OIP5: variants seen among roughly 807,000 people sequenced by gnomAD.
OIP5 encodes the protein protein Mis18-beta.
OIP5 carries 24 observed loss-of-function variants against 20.3 expected under a neutral mutation model. That is an observed-to-expected ratio of 1.18 (90% CI 0.86 to 1.66). The LOEUF is 1.66. Among genes scored for constraint, OIP5 ranks in the 40% most tolerant of loss-of-function variants. The pLI, the probability that OIP5 is intolerant of heterozygous loss-of-function variation, is 0.00. For missense variants in OIP5, 339 were observed against 289.5 expected, an observed-to-expected ratio of 1.17 and a Z score of -1.24; for synonymous variants, 143 against 121.3, an observed-to-expected ratio of 1.18 and a Z score of -1.17.
chr15:41,315,616 C>T (rs796527251), intron 3 of OIP5, among the ~76,000 whole-genome samples: 5 of 152,164 alleles, frequency 3.3e-5, no homozygotes, highest in African/African-American at 1.2e-4. Context: ...AATGTCCTGA[C>T]CTTTTATCCA....
In OIP5 at chr15:41,313,282, C is replaced by A; in HGVS notation, c.585G>T (p.Lys195Asn). The A allele has an allele frequency of 6.3e-7, 1 of 1,595,358 alleles. No individual in the cohort carries two copies. The highest frequency in any genetic ancestry group is 8.6e-7 in the Non-Finnish European group (1 of 1,167,106). Reference protein sequence around the residue: ...MDIQNVPLSEKIAELKEKIVL... With the variant: ...MDIQNVPLSENIAELKEKIVL... ...CATCATGAAATTTTACCTCTGCAATCTTTTCTGATAGAGGAACATTTTGAA... is the reference window on the plus strand; with the variant it reads ...CATCATGAAATTTTACCTCTGCAATATTTTCTGATAGAGGAACATTTTGAA... Residue 195 changes from lysine to asparagine, a missense_variant, in exon 4 of 5, where the codon AAG becomes AAT. Lys to Asn is a moderately conservative substitution (Grantham distance 94). Coordinates refer to ENST00000220514, the MANE Select transcript of OIP5 (RefSeq NM_007280.2).
intron 2 of OIP5, among the ~76,000 whole-genome samples, chr15:41,326,649 C>G (rs1180180897): frequency 6.6e-6 from 1 of 152,222 alleles, no homozygotes; most frequent in South Asian, 2.1e-4. Context: ...TGGTCTCGAA[C>G]TCCTGACCTC....
At chr15:41,311,917 A>G (rs1468291744) in intron 4 of OIP5, among the ~76,000 whole-genome samples, 1 of 127,506 alleles carries the variant, frequency 7.8e-6, no homozygotes, top group Non-Finnish European at 1.8e-5. Context: ...CTCAATGGCA[A>G]GCTCTCGGCT....
Position 41,332,498 on chromosome 15 carries a change from C to T in OIP5, c.64G>A (p.Gly22Ser), listed in dbSNP as rs781690299. Residue 22 changes from glycine (G) to serine (S), a missense_variant, in exon 1 of 5, where the codon GGT (glycine) becomes AGT (serine). Gly to Ser is a moderately conservative substitution (Grantham distance 56, BLOSUM62 0). Transcript: ENST00000220514. ...TGGTCAATCGCCCTCTCAGTGCCAC[C>T]ACAAAAGTCCCCCCGGGGCGGCGTT... ...CATPPRGDFC[G>S]GTERAIDQAS... The T allele has an allele frequency of 1.2e-6, 2 of 1,613,938 alleles. No homozygotes were observed. Among genetic ancestry groups the T allele is most frequent in the Non-Finnish European group, 1.7e-6 (2 of 1,179,896 alleles).
intron 3 of OIP5, among the ~76,000 whole-genome samples, chr15:41,319,456 T>G (rs1422040006): frequency 6.6e-6 from 1 of 152,104 alleles, no homozygotes; most frequent in East Asian, 1.9e-4. Flanking sequence ...GGTTTCACCA[T>G]GTTAGCCAGG....
At chr15:41,318,659 T>C (rs918015647) in intron 3 of OIP5, among the ~76,000 whole-genome samples, 3 of 152,062 alleles carry the variant, frequency 2.0e-5, no homozygotes, top group East Asian at 1.9e-4. Context: ...TAAGATATGG[T>C]ATGATAAGAC....
At chr15:41,326,405 G>T (rs373568746) in intron 2 of OIP5, among the ~76,000 whole-genome samples, 2 of 152,066 alleles carry the variant, frequency 1.3e-5, no homozygotes, top group Non-Finnish European at 2.9e-5. Flanking sequence ...CATGTGTATA[G>T]TCTGTGGCTC....
At position 41,312,138 on chromosome 15, in the gene OIP5, G is replaced by A. The variant is rs188758657; in HGVS notation, c.594+1135C>T. On this transcript the variant is annotated intron_variant, in intron 4 of 4. Transcript: ENST00000220514. Reference sequence around the variant, plus strand: ...CAAAGTGCTGGGATTACAGGCATAAGCCACCATGCCCAGCCTTCTTTTTTT... The same window carrying A: ...CAAAGTGCTGGGATTACAGGCATAAACCACCATGCCCAGCCTTCTTTTTTT... Among the ~76,000 whole-genome samples, 80 of 110,412 alleles carry A rather than the reference G, an allele frequency of 7.2e-4. 3 individuals carry two copies. The highest frequency in any genetic ancestry group is 1.9e-3 in the African/African-American group (73 of 38,018). The allele number at this position is 110,412 out of a possible 152,430, so 72.4% of individuals were successfully genotyped here.
intron 3 of OIP5, among the ~76,000 whole-genome samples, chr15:41,314,718 G>C (rs1477745629): frequency 6.6e-6 from 1 of 150,496 alleles, no homozygotes; most frequent in Non-Finnish European, 1.5e-5. Context: ...TGCAACCTCC[G>C]CCTTCCAGGT....
At chr15:41,327,691 G>A (rs1031278535) in intron 2 of OIP5, among the ~76,000 whole-genome samples, 1 of 152,082 alleles carries the variant, frequency 6.6e-6, no homozygotes, top group Non-Finnish European at 1.5e-5. Context: ...GGGAGGCTGA[G>A]GCAGGGGAAT....
At chr15:41,311,310 T>C (rs575414411) in intron 4 of OIP5, among the ~76,000 whole-genome samples, 15 of 152,158 alleles carry the variant, frequency 9.9e-5, no homozygotes, top group African/African-American at 3.6e-4. Context: ...AGACAAGGAT[T>C]CTCCATGTGG....
intron 2 of OIP5, among the ~76,000 whole-genome samples, chr15:41,321,929 AAAT>A (rs1567026483): frequency 1.9e-3 from 123 of 64,420 alleles, no homozygotes; most frequent in African/African-American, 0.01. Context: ...ATAAAAAAAT[AAAT>A]AAATAAATAA....
intron 2 of OIP5, among the ~76,000 whole-genome samples, chr15:41,330,352 G>T (rs2047890287): frequency 6.6e-6 from 1 of 151,444 alleles, no homozygotes; most frequent in Non-Finnish European, 1.5e-5. Flanking sequence ...GCCTGTCATG[G>T]CCTCCCAAAA....
Position 41,309,646 on chromosome 15 carries a change from T to C in OIP5, c.*108A>G, listed in dbSNP as rs1270353456. ...AGCCTAAAGGTAAATAGAAACTGCA[T>C]TTCCCCTCCATTCTTGAAGCCAATC... On this transcript the variant is annotated 3_prime_UTR_variant, in exon 5 of 5. Coordinates refer to ENST00000220514, the MANE Select transcript of OIP5 (RefSeq NM_007280.2). 2.9e-6 allele frequency: 2 copies of C among 694,700 alleles called. No individual in the cohort carries two copies. Among genetic ancestry groups the C allele is most frequent in the Non-Finnish European group, 4.9e-6 (2 of 408,264 alleles). The allele number at this position is 694,700 out of a possible 1,614,324, so 43.0% of individuals were successfully genotyped here. A position where few individuals can be genotyped will look rare whatever the true frequency, so the allele number is the denominator to read the frequency against.
chr15:41,328,536 A>C (rs2140467130), intron 2 of OIP5, among the ~76,000 whole-genome samples: 1 of 152,342 alleles, frequency 6.6e-6, no homozygotes, highest in African/African-American at 2.4e-5. Context: ...TCTAAGTGTC[A>C]ACATACTATA....
intron 4 of OIP5, 54 bp downstream of exon 4, chr15:41,313,218 GT>G: frequency 9.5e-7 from 1 of 1,057,630 alleles, no homozygotes; most frequent in African/African-American, 1.6e-5. Flanking sequence ...ATTGGTAGAA[GT>G]TATCAAGAGT....
At chr15:41,328,962 A>G (rs965122554) in intron 2 of OIP5, among the ~76,000 whole-genome samples, 1 of 141,994 alleles carries the variant, frequency 7.0e-6, no homozygotes, top group African/African-American at 2.6e-5. Flanking sequence ...GCTACTCGGG[A>G]GGCTGAGGTA....
intron 4 of OIP5, among the ~76,000 whole-genome samples, chr15:41,311,709 G>T (rs1205895074): frequency 6.6e-6 from 1 of 151,010 alleles, no homozygotes; most frequent in Non-Finnish European, 1.5e-5. Context: ...CTGGGGCTGG[G>T]ATTATAGGCG....
chr15:41,332,153 C>A, intron 1 of OIP5, 87 bp downstream of exon 1: 1 of 1,436,672 alleles, frequency 7.0e-7, no homozygotes, highest in Non-Finnish European at 9.5e-7. Flanking sequence ...TTTTCTTCCC[C>A]AGGTGGTTCT....
Sources: allele counts gnomAD v4.1 joint callset (sites outside exome capture counted in the v4.1 genomes callset), GRCh38; gene constraint gnomAD v4.1.1; transcripts MANE v1.5; gene names NCBI Gene and HGNC (gene_info 2026-07-23, HGNC 2026-07-21).